Variants in VPS13B observed in about 807,000 individuals in gnomAD.
VPS13B encodes the protein vacuolar protein sorting 13 homolog B.
Under a neutral mutation model 426.4 loss-of-function variants are expected in VPS13B, and 285 were observed. The ratio of observed to expected loss-of-function variants is 0.67; its 90% confidence interval spans 0.61 to 0.74. The LOEUF is 0.74. VPS13B is among the 30% of genes least tolerant of loss of function. VPS13B has a pLI of 0.00. For synonymous variants in VPS13B, 1,676 were observed against 1,676.4 expected (o/e 1.00, Z 0.01); for missense variants, 4,537 against 4,782.6 (o/e 0.95, Z 1.51).
intron 22 of VPS13B, among the ~76,000 whole-genome samples, chr8:99,437,058 A>G (rs1269751503): frequency 6.6e-6 from 1 of 152,110 alleles, no homozygotes; most frequent in Non-Finnish European, 1.5e-5. Context: ...ATTTTTTAAG[A>G]TGTTTTATGA....
intron 31 of VPS13B, among the ~76,000 whole-genome samples, chr8:99,573,610 A>G (rs1489432792): frequency 2.6e-5 from 4 of 152,180 alleles, no homozygotes; most frequent in Non-Finnish European, 4.4e-5. Context: ...AGATGGTTGT[A>G]GATACACTGC....
chr8:99,683,523 A>AT (rs1831243752), intron 35 of VPS13B, among the ~76,000 whole-genome samples: 1 of 152,204 alleles, frequency 6.6e-6, no homozygotes, highest in African/African-American at 2.4e-5. Flanking sequence ...GTCTTTTAAA[A>AT]TTTATTGTCA....
chr8:99,746,295 C>T (rs1176662758), intron 39 of VPS13B, among the ~76,000 whole-genome samples: 1 of 152,040 alleles, frequency 6.6e-6, no homozygotes, highest in Non-Finnish European at 1.5e-5. Context: ...CAAGAGATGT[C>T]TGCTTATTTC....
chr8:99,828,394 G>GCTT lies in VPS13B; in HGVS notation c.9331-3975_9331-3974insCTT, dbSNP rs1563495224. ...ATCAGAGACTAGGATTACAACCACC[G>GCTT]TTTTTTTTTTTTTTTTTTTTTTTTT... is the stretch of plus-strand genomic sequence containing the variant. On this transcript the variant is annotated intron_variant, in intron 51 of 61. Coordinates refer to ENST00000357162, the MANE Select transcript of VPS13B (RefSeq NM_152564.5). Among the ~76,000 whole-genome samples the GCTT allele has an allele frequency of 9.2e-4, 16 of 17,424 alleles. 7 individuals are homozygous for GCTT. The highest frequency in any genetic ancestry group is 1.6e-3 in the Admixed American group (2 of 1,290). The allele number at this position is 17,424 out of a possible 152,430, so 11.4% of individuals were successfully genotyped here.
At chr8:99,062,618 G>A (rs569769563) in intron 3 of VPS13B, among the ~76,000 whole-genome samples, 92 of 152,078 alleles carry the variant, frequency 6.0e-4, no homozygotes, top group African/African-American at 1.9e-3. Context: ...ACAGGCATGC[G>A]CCACCACGCC....
At chr8:99,014,737 T>C (rs1841526321) in intron 2 of VPS13B, among the ~76,000 whole-genome samples, 2 of 149,528 alleles carry the variant, frequency 1.3e-5, no homozygotes, top group Non-Finnish European at 1.5e-5. Flanking sequence ...TGAGGAAAGA[T>C]GACATTTCCC....
At chr8:99,606,595 T>A (rs146055196) in intron 33 of VPS13B, among the ~76,000 whole-genome samples, 1 of 151,294 alleles carries the variant, frequency 6.6e-6, no homozygotes, top group Non-Finnish European at 1.5e-5. Context: ...AGAATCCATT[T>A]CCTTGCCTTT....
chr8:99,311,123 C>A (rs117329403), intron 19 of VPS13B, among the ~76,000 whole-genome samples: 7,478 of 152,130 alleles, frequency 0.049, 207 homozygotes, highest in African/African-American at 0.071. Context: ...AAAACCAGGT[C>A]CTGGATTCGT....
intron 48 of VPS13B, 81 bp from the exon 49 acceptor site, chr8:99,819,840 G>A (rs1814265643): frequency 6.5e-7 from 1 of 1,542,572 alleles, no homozygotes; most frequent in Admixed American, 1.7e-5. Flanking sequence ...AGCATGGTGT[G>A]TTTGGAATCT....
chr8:99,699,910 C>A lies in VPS13B; in HGVS notation c.6432C>A (p.Val2144=), dbSNP rs1399379580. 1.2e-6 allele frequency: 2 copies of A among 1,613,804 alleles called. No homozygotes were observed. Among genetic ancestry groups the A allele is most frequent in the Non-Finnish European group, 1.7e-6 (2 of 1,179,968 alleles). The change falls in exon 36 of 62, where the codon GTC becomes GTA. Residue 2144 remains valine (V), a synonymous_variant. Transcript: ENST00000357162. ...SLSNLNGSLS[V]KATQKVPGII... The stretch of plus-strand genomic sequence containing the variant: ...CAAACCTCAATGGAAGCCTTAGTGT[C>A]AAGGCAACACAAAAAGTACCTGGTA...
chr8:99,750,831 G>A (rs189605080), intron 39 of VPS13B, among the ~76,000 whole-genome samples: 30 of 152,228 alleles, frequency 2.0e-4, no homozygotes, highest in Non-Finnish European at 1.8e-4. Context: ...TGATTGGGGA[G>A]GGCTGTTTGT....
At chr8:99,501,117 ATTAATATTTTG>A in intron 25 of VPS13B, among the ~76,000 whole-genome samples, 1 of 152,226 alleles carries the variant, frequency 6.6e-6, no homozygotes, top group African/African-American at 2.4e-5. Context: ...GCAAGGCATG[ATTAATATTTTG>A]CTGTTTCTTA....
rs533114904 is a variant in VPS13B, at chr8:99,337,156, A to G, written c.2825-47052A>G. ...AGACTGGATTAAGAAAATGTGGCACATATACACCATGGAATACTATGCAGC... is the reference window on the plus strand; with the variant it reads ...AGACTGGATTAAGAAAATGTGGCACGTATACACCATGGAATACTATGCAGC... On this transcript the variant is annotated intron_variant, in intron 19 of 61. Transcript: ENST00000357162. Among the ~76,000 whole-genome samples, 1,318 of 152,256 alleles carry G rather than the reference A, an allele frequency of 8.7e-3. 22 individuals carry two copies. Among genetic ancestry groups the G allele is most frequent in the African/African-American group, 0.03 (1,239 of 41,540 alleles).
At chr8:99,080,623 G>A (rs1332596392) in intron 3 of VPS13B, among the ~76,000 whole-genome samples, 1 of 152,048 alleles carries the variant, frequency 6.6e-6, no homozygotes, top group Admixed American at 6.6e-5. Flanking sequence ...ATCATAATGT[G>A]GGGTGGAGGT....
At chr8:99,169,412 A>C (rs1439995373) in intron 15 of VPS13B, among the ~76,000 whole-genome samples, 1 of 152,054 alleles carries the variant, frequency 6.6e-6, no homozygotes, top group Non-Finnish European at 1.5e-5. Flanking sequence ...AAAATTTTGT[A>C]GTATGGTCTG....
intron 16 of VPS13B, among the ~76,000 whole-genome samples, chr8:99,183,916 C>T (rs922646709): frequency 6.6e-6 from 1 of 152,118 alleles, no homozygotes; most frequent in Admixed American, 6.5e-5. Flanking sequence ...AATTCTTACC[C>T]CAACTTCAAG....
At chr8:99,312,109 G>C (rs561358503) in intron 19 of VPS13B, among the ~76,000 whole-genome samples, 168 of 152,266 alleles carry the variant, frequency 1.1e-3, no homozygotes, top group African/African-American at 4.0e-3. Flanking sequence ...ACACTGATGG[G>C]ACTTGACTGT....
chr8:99,739,709 C>G (rs923786901), intron 39 of VPS13B, among the ~76,000 whole-genome samples: 3 of 152,232 alleles, frequency 2.0e-5, no homozygotes, highest in Non-Finnish European at 4.4e-5. Flanking sequence ...CCCAGGCAAA[C>G]AGGGTCTGGA....
intron 31 of VPS13B, among the ~76,000 whole-genome samples, chr8:99,558,838 T>C (rs1035977453): frequency 2.0e-5 from 3 of 152,214 alleles, no homozygotes; most frequent in Non-Finnish European, 4.4e-5. Flanking sequence ...GTTCCAAGTC[T>C]TTGCTATTGT....
Sources: allele counts gnomAD v4.1 joint callset (sites outside exome capture counted in the v4.1 genomes callset), GRCh38; gene constraint gnomAD v4.1.1; transcripts MANE v1.5; gene names NCBI Gene and HGNC (gene_info 2026-07-23, HGNC 2026-07-21).